Variants in BRD7 observed in about 807,000 individuals in gnomAD.
The protein encoded by BRD7 is bromodomain containing 7.
In BRD7, 15 loss-of-function variants were observed where a neutral mutation model predicts 82.1. That is an observed-to-expected ratio of 0.18 (90% CI 0.12 to 0.28). BRD7 has a LOEUF of 0.28. Among genes scored for constraint, BRD7 ranks in the 10% least tolerant of loss-of-function variants. The pLI, the probability that BRD7 is intolerant of heterozygous loss-of-function variation, is 1.00. For synonymous variants in BRD7, 232 were observed against 266.9 expected (o/e 0.87, Z 1.27); for missense variants, 638 against 779.9 (o/e 0.82, Z 2.17).
At chr16:50,347,960 C>T (rs2038358471) in intron 5 of BRD7, among the ~76,000 whole-genome samples, 1 of 152,124 alleles carries the variant, frequency 6.6e-6, no homozygotes, top group Admixed American at 6.5e-5. Flanking sequence ...CAAGTCAATC[C>T]TAAGCCAAAA....
intron 4 of BRD7, among the ~76,000 whole-genome samples, chr16:50,350,647 C>T (rs11649128): frequency 0.99 from 150,724 of 152,342 alleles, 74,581 homozygotes; most frequent in Middle Eastern, 1. Context: ...ACTTCTATCA[C>T]GTGTATGTGG....
chr16:50,354,798 T>A lies in BRD7; in HGVS notation c.383A>T (p.Gln128Leu). 1 of 1,611,000 alleles carries A rather than the reference T, an allele frequency of 6.2e-7. No individual in the cohort carries two copies. The highest frequency in any genetic ancestry group is 1.1e-5 in the South Asian group (1 of 90,706). Reference protein sequence around the residue: ...EKPLTSSLAKQEEVEQTPLQE... With the variant: ...EKPLTSSLAKLEEVEQTPLQE... Reference sequence around the variant, plus strand: ...TAATTCAGAGTTATTCCAACCTTCTTGTTTGGCTAAAGAGCTTGTGAGAGG... The same window carrying A: ...TAATTCAGAGTTATTCCAACCTTCTAGTTTGGCTAAAGAGCTTGTGAGAGG... Residue 128 changes from glutamine (Q) to leucine (L), a missense_variant, in exon 3 of 17, where the codon CAA (glutamine) becomes CTA (leucine). Physicochemically the swap from Gln to Leu is moderately radical, Grantham distance 113. Around this residue, in one of 3 missense-constraint regions of BRD7, gnomAD observed 172 missense variants for 155.3 expected, o/e 1.11. Coordinates refer to ENST00000394688, the MANE Select transcript of BRD7 (RefSeq NM_013263.5).
intron 11 of BRD7, among the ~76,000 whole-genome samples, 188 bp downstream of exon 11, chr16:50,325,560 G>A (rs1373304594): frequency 1.3e-5 from 2 of 151,948 alleles, no homozygotes; most frequent in African/African-American, 4.8e-5. Context: ...GCTACTATCA[G>A]GGAGACATGC....
chr16:50,344,445 C>T (rs889565405), intron 5 of BRD7, among the ~76,000 whole-genome samples: 3 of 152,084 alleles, frequency 2.0e-5, no homozygotes, highest in Non-Finnish European at 4.4e-5. Flanking sequence ...ATGCTTCAGA[C>T]GATCAGTAAT....
At chr16:50,357,193 CAG>C (rs1470974380) in intron 2 of BRD7, among the ~76,000 whole-genome samples, 1 of 152,178 alleles carries the variant, frequency 6.6e-6, no homozygotes, top group Non-Finnish European at 1.5e-5. Flanking sequence ...GGGGTAGAGA[CAG>C]AGAATTTGTA....
intron 5 of BRD7, among the ~76,000 whole-genome samples, chr16:50,343,064 GA>G (rs1245257288): frequency 6.6e-6 from 1 of 152,158 alleles, no homozygotes; most frequent in African/African-American, 2.4e-5. Context: ...TAGCCAAAAT[GA>G]ACTCAGAGAG....
intron 4 of BRD7, among the ~76,000 whole-genome samples, chr16:50,351,707 T>C (rs2038530128): frequency 6.6e-6 from 1 of 152,250 alleles, no homozygotes; most frequent in Non-Finnish European, 1.5e-5. Flanking sequence ...CTTCCTGAAG[T>C]GTTTTTTCAT....
At chr16:50,324,430 G>A (rs973428226) in intron 11 of BRD7, among the ~76,000 whole-genome samples, 1 of 151,980 alleles carries the variant, frequency 6.6e-6, no homozygotes, top group Admixed American at 6.6e-5. Flanking sequence ...TCTTCTGCTC[G>A]CAATCCACCA....
At chr16:50,361,335 T>C (rs962213342) in intron 2 of BRD7, among the ~76,000 whole-genome samples, 1 of 152,238 alleles carries the variant, frequency 6.6e-6, no homozygotes, top group East Asian at 1.9e-4. Flanking sequence ...TATGTGTTAA[T>C]GCTTTTGAGT....
intron 2 of BRD7, among the ~76,000 whole-genome samples, chr16:50,365,436 C>A (rs1825688): frequency 0.99 from 150,823 of 152,304 alleles, 74,699 homozygotes; most frequent in Middle Eastern, 1. Context: ...AAAGCATTTA[C>A]TCAGCTTTGT....
At chr16:50,337,263 T>C (rs962201460) in intron 6 of BRD7, among the ~76,000 whole-genome samples, 33 of 146,960 alleles carry the variant, frequency 2.2e-4, no homozygotes, top group Admixed American at 8.1e-4. Context: ...CTTCTTTTTT[T>C]TTTTTTTTTT....
intron 13 of BRD7, 81 bp from the exon 14 acceptor site, chr16:50,320,855 G>T: frequency 1.1e-6 from 1 of 903,668 alleles, no homozygotes; most frequent in Non-Finnish European, 1.8e-6. Flanking sequence ...CAGATGGCAT[G>T]TATTTACAGG....
intron 1 of BRD7, 120 bp from the exon 2 acceptor site, chr16:50,368,418 C>T: frequency 9.1e-7 from 1 of 1,100,356 alleles, no homozygotes; most frequent in Non-Finnish European, 1.3e-6. Flanking sequence ...GGGCGCTCCG[C>T]GAAGCACCTG....
chr16:50,355,570 T>TA (rs1379746972), intron 2 of BRD7, among the ~76,000 whole-genome samples: 35 of 152,322 alleles, frequency 2.3e-4, no homozygotes, highest in Non-Finnish European at 4.1e-4. Context: ...AGAATAATCT[T>TA]AGTATATCAC....
chr16:50,336,125 A>G (rs1175412136), intron 6 of BRD7, among the ~76,000 whole-genome samples: 4 of 152,342 alleles, frequency 2.6e-5, no homozygotes, highest in South Asian at 2.1e-4. Flanking sequence ...TTTCCTCTCC[A>G]TATCAATAGA....
chr16:50,354,942 ATAATT>A lies in BRD7; in HGVS notation c.259-25_259-21del. 2.5e-6 allele frequency: 4 copies of A among 1,607,204 alleles called. No homozygotes were observed. The highest frequency in any genetic ancestry group is 3.4e-6 in the Non-Finnish European group (4 of 1,177,612). ...ATCCTCCTAAATGGAACAAAGGGAG[ATAATT>A]TAGAAATATTTCAGAACCAATATCT... On this transcript the variant is annotated intron_variant, in intron 2 of 16. Transcript: ENST00000394688.
intron 6 of BRD7, among the ~76,000 whole-genome samples, chr16:50,339,063 C>A (rs188822037): frequency 2.9e-4 from 44 of 152,350 alleles, no homozygotes; most frequent in African/African-American, 1.0e-3. Context: ...TAATTTTTTG[C>A]CACTGTGTAT....
At position 50,368,714 on chromosome 16, in the gene BRD7, C is replaced by T; in HGVS notation, c.49+12G>A. 2 of 1,554,760 alleles carry T rather than the reference C, an allele frequency of 1.3e-6. No individual in the cohort carries two copies. Among genetic ancestry groups the T allele is most frequent in the Non-Finnish European group, 1.7e-6 (2 of 1,152,340 alleles). On this transcript the variant is annotated intron_variant, in intron 1 of 16. Transcript: ENST00000394688. The stretch of plus-strand genomic sequence containing the variant: ...CGAGGGCCCGCCGCCCGCACCCCGG[C>T]CCCCTCCTCACCCTCGTAGAGGTGT...
chr16:50,342,922 T>G (rs2038129553), intron 5 of BRD7, among the ~76,000 whole-genome samples: 1 of 152,054 alleles, frequency 6.6e-6, no homozygotes, highest in Admixed American at 6.6e-5. Context: ...TTCCCTGGAA[T>G]CAACACACAC....
Sources: gnomAD v4.1 joint callset for allele counts (sites outside exome capture counted in the v4.1 genomes callset) on GRCh38, gnomAD v4.1.1 for gene constraint, gnomAD v4.1.1 regional missense constraint, MANE v1.5 for transcripts, NCBI Gene and HGNC (gene_info 2026-07-23, HGNC 2026-07-21) for gene names.